Variants in KIAA1217 observed in about 807,000 individuals in gnomAD.
KIAA1217 encodes the protein sickle tail protein homolog.
Under a neutral mutation model 163.9 loss-of-function variants are expected in KIAA1217, and 88 were observed. The observed-to-expected ratio is 0.54, with a 90% CI of 0.45 to 0.64. The LOEUF (loss-of-function observed/expected upper bound fraction) is 0.64, where lower values mean the gene tolerates loss of function less well. KIAA1217 is among the 30% of genes least tolerant of loss of function. The pLI is 0.00. For missense variants in KIAA1217, 2,372 were observed against 2,475.0 expected (o/e 0.96, Z 0.88); for synonymous variants, 903 against 923.1 (o/e 0.98, Z 0.39).
intron 2 of KIAA1217, among the ~76,000 whole-genome samples, chr10:24,340,784 C>T (rs1164480258): frequency 6.6e-6 from 1 of 152,134 alleles, no homozygotes; most frequent in African/African-American, 2.4e-5. Flanking sequence ...GACTGCCCCA[C>T]GTTTAATAGA....
At position 23,873,570 on chromosome 10, in the gene KIAA1217, G is replaced by A. The variant is rs772014536; in HGVS notation, c.-320-133655G>A. ...CTAAGCAATGTTTGAGTTTTCCAGGGCCAAGACAAGGCATCATCAGCTCTT... is the reference window on the plus strand; with the variant it reads ...CTAAGCAATGTTTGAGTTTTCCAGGACCAAGACAAGGCATCATCAGCTCTT... On this transcript the variant is annotated intron_variant, in intron 1 of 18. Transcript: ENST00000376462. Among the ~76,000 whole-genome samples, 77 of 152,056 alleles carry A rather than the reference G, an allele frequency of 5.1e-4. 1 individual carries two copies. Among genetic ancestry groups the A allele is most frequent in the Middle Eastern group, 3.4e-3 (1 of 294 alleles).
chr10:23,715,167 A>G (rs1444942524), intron 1 of KIAA1217, among the ~76,000 whole-genome samples: 2 of 152,188 alleles, frequency 1.3e-5, no homozygotes, highest in Admixed American at 6.5e-5. Flanking sequence ...AGATGGAGTT[A>G]CTTTAGCCTC....
intron 2 of KIAA1217, chr10:24,158,584 G>A (rs2064982976): frequency 4.0e-6 from 2 of 505,664 alleles, no homozygotes; most frequent in African/African-American, 2.0e-5. Flanking sequence ...GGGAAGCACT[G>A]ACAGACGTGC....
At chr10:24,099,989 A>G (rs909965018) in intron 2 of KIAA1217, among the ~76,000 whole-genome samples, 3 of 152,206 alleles carry the variant, frequency 2.0e-5, no homozygotes, top group Middle Eastern at 3.4e-3. Flanking sequence ...TTGCCTGCCA[A>G]TAATATTCCA....
chr10:23,742,816 G>C (rs1839191907), intron 1 of KIAA1217, among the ~76,000 whole-genome samples: 1 of 152,196 alleles, frequency 6.6e-6, no homozygotes, highest in Non-Finnish European at 1.5e-5. Context: ...CTGATGAACA[G>C]CCAAGGTACA....
intron 2 of KIAA1217, among the ~76,000 whole-genome samples, chr10:24,357,604 G>T (rs567706676): frequency 6.6e-6 from 1 of 152,312 alleles, no homozygotes; most frequent in African/African-American, 2.4e-5. Context: ...TAATGAGAGG[G>T]AAATAGAAAC....
chr10:23,735,191 T>C (rs1331973519), intron 1 of KIAA1217, among the ~76,000 whole-genome samples: 1 of 152,134 alleles, frequency 6.6e-6, no homozygotes, highest in South Asian at 2.1e-4. Flanking sequence ...TTATAGAGTA[T>C]TCAGAGCTTC....
chr10:23,848,240 C>T (rs1839135523), intron 1 of KIAA1217, among the ~76,000 whole-genome samples: 1 of 152,092 alleles, frequency 6.6e-6, no homozygotes, highest in East Asian at 1.9e-4. Context: ...ACTTGGTCCA[C>T]AGCTGAGTTC....
intron 9 of KIAA1217, among the ~76,000 whole-genome samples, chr10:24,503,304 C>T (rs1430881688): frequency 6.6e-6 from 1 of 152,222 alleles, no homozygotes; most frequent in Non-Finnish European, 1.5e-5. Flanking sequence ...GGCAACATCC[C>T]AGATACCTTG....
At chr10:23,736,230 A>G (rs192595138) in intron 1 of KIAA1217, among the ~76,000 whole-genome samples, 12 of 152,324 alleles carry the variant, frequency 7.9e-5, no homozygotes, top group Non-Finnish European at 1.5e-5. Context: ...TAAATTTTTT[A>G]GGTTTTGACC....
At chr10:23,765,728 A>G (rs1310598745) in intron 1 of KIAA1217, among the ~76,000 whole-genome samples, 1 of 151,892 alleles carries the variant, frequency 6.6e-6, no homozygotes, top group African/African-American at 2.4e-5. Flanking sequence ...CTGTCATGTA[A>G]TACATGCCTT....
chr10:24,263,736 G>A (rs975244353), intron 2 of KIAA1217, among the ~76,000 whole-genome samples: 1 of 152,134 alleles, frequency 6.6e-6, no homozygotes, highest in Admixed American at 6.5e-5. Flanking sequence ...TCTATTTCAT[G>A]TTACGAGATG....
intron 1 of KIAA1217, among the ~76,000 whole-genome samples, chr10:23,888,864 C>A (rs553796341): frequency 4.5e-4 from 68 of 151,930 alleles, no homozygotes; most frequent in Admixed American, 1.0e-3. Context: ...CTCTTCCCAC[C>A]CCTAGCAACC....
chr10:24,119,343 A>G (rs1341062437), intron 2 of KIAA1217, among the ~76,000 whole-genome samples: 1 of 152,120 alleles, frequency 6.6e-6, no homozygotes, highest in Non-Finnish European at 1.5e-5. Flanking sequence ...ATTTAGGTAC[A>G]TTTGCTGAAA....
rs151207952 is a variant in KIAA1217, at chr10:24,129,698, A to G, written c.-170-89928A>G. On this transcript the variant is annotated intron_variant, in intron 2 of 18. Transcript: ENST00000376462. ...ATCTCTGTATCTGATCATTTCAACT[A>G]ATCTATTTCAGTTACTTTATAATTG... 5.3e-5 allele frequency among the ~76,000 whole-genome samples: 8 copies of G among 152,112 alleles called. No homozygotes were observed. In the East Asian group the frequency reaches 1.5e-3, roughly 29 times the overall value.
chr10:24,416,866 C>T (rs575724391), intron 3 of KIAA1217, among the ~76,000 whole-genome samples: 8 of 152,266 alleles, frequency 5.3e-5, no homozygotes, highest in Admixed American at 3.3e-4. Flanking sequence ...GGTCACCCCT[C>T]AGTGTGAGGG....
chr10:24,069,842 T>C (rs2061114836), intron 2 of KIAA1217, among the ~76,000 whole-genome samples: 2 of 152,214 alleles, frequency 1.3e-5, no homozygotes, highest in Non-Finnish European at 2.9e-5. Context: ...TCCATTTTTT[T>C]CTTTTCTCTT....
intron 4 of KIAA1217, among the ~76,000 whole-genome samples, chr10:24,435,986 G>A (rs1020397514): frequency 2.0e-5 from 3 of 151,604 alleles, no homozygotes; most frequent in African/African-American, 4.8e-5. Context: ...TCAGCCTCCC[G>A]AGTAGCTGGG....
At chr10:23,984,995 A>G (rs1279937525) in intron 1 of KIAA1217, among the ~76,000 whole-genome samples, 2 of 152,090 alleles carry the variant, frequency 1.3e-5, no homozygotes, top group Admixed American at 6.5e-5. Flanking sequence ...CTAAGCCACA[A>G]CCACCATTCT....
Sources: gnomAD v4.1 joint callset for allele counts (sites outside exome capture counted in the v4.1 genomes callset) on GRCh38, gnomAD v4.1.1 for gene constraint, MANE v1.5 for transcripts, NCBI Gene and HGNC (gene_info 2026-07-23, HGNC 2026-07-21) for gene names.